The following SUFU variants were observed in gnomAD, a reference collection of about 807,000 sequenced individuals.
SUFU encodes the protein SUFU negative regulator of hedgehog signaling, also known as suppressor of fused homolog.
In SUFU, 7 loss-of-function variants were observed where a neutral mutation model predicts 58.9. The observed-to-expected ratio is 0.12, with a 90% CI of 0.07 to 0.22. The LOEUF (loss-of-function observed/expected upper bound fraction) is 0.22. Among genes scored for constraint, SUFU ranks in the 10% least tolerant of loss-of-function variants. The probability of loss-of-function intolerance (pLI) is 1.00; values close to 1 mark genes in which losing one functional copy is unlikely to be tolerated. For missense variants in SUFU, 451 were observed against 641.3 expected (o/e 0.70, Z 3.20); for synonymous variants, 232 against 254.8 (o/e 0.91, Z 0.85).
chr10:102,543,063 T>G (rs911495878), intron 2 of SUFU, among the ~76,000 whole-genome samples: 2 of 152,222 alleles, frequency 1.3e-5, no homozygotes, highest in African/African-American at 4.8e-5. Flanking sequence ...ATTTTGCAAT[T>G]ATAAGTTCTT....
At chr10:102,556,680 T>C (rs1263572419) in intron 3 of SUFU, among the ~76,000 whole-genome samples, 7 of 123,790 alleles carry the variant, frequency 5.7e-5, no homozygotes, top group African/African-American at 2.2e-4. Flanking sequence ...GAGGCGGAGA[T>C]TGCAGTGAGC....
rs182459665 is a variant in SUFU, at chr10:102,510,716, C to T, written c.317+1413C>T. 5.4e-3 allele frequency among the ~76,000 whole-genome samples: 824 copies of T among 152,168 alleles called. 5 individuals carry two copies. Among genetic ancestry groups the T allele is most frequent in the African/African-American group, 0.019 (786 of 41,540 alleles). ...CATGTGCCTGTACTCCCAACTACCC[C>T]GGAGGCTGAGGCACGAGAATCACTT... On this transcript the variant is annotated intron_variant, in intron 2 of 11. Coordinates refer to ENST00000369902, the MANE Select transcript of SUFU (RefSeq NM_016169.4).
chr10:102,527,408 G>T (rs1461060421), intron 2 of SUFU, among the ~76,000 whole-genome samples: 1 of 151,984 alleles, frequency 6.6e-6, no homozygotes, highest in East Asian at 1.9e-4. Flanking sequence ...CTCAGCTTTA[G>T]TATGAAGACA....
intron 2 of SUFU, among the ~76,000 whole-genome samples, chr10:102,516,195 G>A (rs565037498): frequency 7.4e-6 from 1 of 135,154 alleles, no homozygotes; most frequent in East Asian, 2.1e-4. Flanking sequence ...ACACGACCTC[G>A]ACTCTGCTGA....
chr10:102,624,035 A>G (rs1237444188), intron 10 of SUFU, among the ~76,000 whole-genome samples: 2 of 152,354 alleles, frequency 1.3e-5, no homozygotes, highest in East Asian at 1.9e-4. Flanking sequence ...CAGAACTGCC[A>G]TAAGGATTCA....
At chr10:102,620,034 G>A (rs1323164168) in intron 10 of SUFU, among the ~76,000 whole-genome samples, 1 of 152,212 alleles carries the variant, frequency 6.6e-6, no homozygotes, top group Non-Finnish European at 1.5e-5. Context: ...GGCCTTGTGT[G>A]CCCAGGCCTA....
rs755621668 is a variant in SUFU at position 102,617,264 on chromosome 10, C to T, written c.1158-26C>T. ...GGAACTGTTTCCAAGCCCAGCTCCT[C>T]ACTGTCTCCATGTTCCCATCTCCAG... On this transcript the variant is annotated intron_variant, in intron 9 of 11. Coordinates refer to ENST00000369902, the MANE Select transcript of SUFU (RefSeq NM_016169.4). The surrounding 1 kb of genome is among the most constrained non-coding windows in gnomAD (Gnocchi z 4.4). The T allele has an allele frequency of 1.9e-6, 3 of 1,614,062 alleles. No individual in the cohort carries two copies. Among genetic ancestry groups the T allele is most frequent in the Admixed American group, 1.7e-5 (1 of 60,010 alleles).
At chr10:102,580,811 T>C (rs2063269441) in intron 3 of SUFU, among the ~76,000 whole-genome samples, 1 of 152,176 alleles carries the variant, frequency 6.6e-6, no homozygotes, top group African/African-American at 2.4e-5. Context: ...CTACACCCTG[T>C]GGCCTAAAAC....
intron 3 of SUFU, among the ~76,000 whole-genome samples, chr10:102,581,787 C>T (rs1331562326): frequency 1.3e-5 from 2 of 152,196 alleles, no homozygotes; most frequent in African/African-American, 4.8e-5. Flanking sequence ...CTAGGACCAG[C>T]TCCGGGTGTT....
At chr10:102,621,078 G>A (rs1201026547) in intron 10 of SUFU, among the ~76,000 whole-genome samples, 1 of 152,200 alleles carries the variant, frequency 6.6e-6, no homozygotes, top group Non-Finnish European at 1.5e-5. Context: ...CTCCAGGCCA[G>A]GCTTGGGAAG....
intron 1 of SUFU, among the ~76,000 whole-genome samples, chr10:102,506,229 AT>A (rs1195393342): frequency 6.6e-6 from 1 of 151,166 alleles, no homozygotes; most frequent in Non-Finnish European, 1.5e-5. Flanking sequence ...ACTAAGGGCA[AT>A]TTTTTTTTCC....
chr10:102,583,263 C>T (rs1434541797), intron 3 of SUFU, among the ~76,000 whole-genome samples: 2 of 152,218 alleles, frequency 1.3e-5, no homozygotes, highest in African/African-American at 4.8e-5. Context: ...AGTCTAGTTC[C>T]TTCATCAGGC....
At chr10:102,578,256 A>AC (rs2063234955) in intron 3 of SUFU, among the ~76,000 whole-genome samples, 5 of 150,906 alleles carry the variant, frequency 3.3e-5, no homozygotes, top group Non-Finnish European at 5.9e-5. Context: ...CGTCTCAAAA[A>AC]AAAAAACAAA....
intron 2 of SUFU, among the ~76,000 whole-genome samples, chr10:102,509,977 G>A (rs191660624): frequency 2.0e-3 from 307 of 151,790 alleles, no homozygotes; most frequent in South Asian, 0.013. Flanking sequence ...TAGCTGGGAC[G>A]ACAGGCAAGC....
chr10:102,597,328 C>T (rs1350760976), intron 7 of SUFU, 35 bp downstream of exon 7: 1 of 1,601,954 alleles, frequency 6.2e-7, no homozygotes. Context: ...ACCAGCCTTC[C>T]TCCTTCCTTT....
chr10:102,537,824 T>C (rs1184028369), intron 2 of SUFU, among the ~76,000 whole-genome samples: 1 of 152,234 alleles, frequency 6.6e-6, no homozygotes, highest in Non-Finnish European at 1.5e-5. Context: ...GGGTTGCTTC[T>C]ACCTTTTGAC....
chr10:102,549,885 A>G, intron 2 of SUFU, 85 bp from the exon 3 acceptor site: 2 of 1,564,990 alleles, frequency 1.3e-6, no homozygotes, highest in Non-Finnish European at 1.8e-6. Context: ...AGGCCACCAT[A>G]AAAAGGGGGA....
chr10:102,588,571 C>T (rs539589595), intron 3 of SUFU, among the ~76,000 whole-genome samples: 100 of 152,208 alleles, frequency 6.6e-4, no homozygotes, highest in Non-Finnish European at 1.2e-3. Context: ...CAACTTTGCT[C>T]GTCTTCTTTA....
At chr10:102,549,102 G>C (rs2062882986) in intron 2 of SUFU, among the ~76,000 whole-genome samples, 1 of 152,140 alleles carries the variant, frequency 6.6e-6, no homozygotes, top group South Asian at 2.1e-4. Flanking sequence ...TGAGTCTGGA[G>C]GCCAGCCAGT....
Sources: allele counts gnomAD v4.1 joint callset (sites outside exome capture counted in the v4.1 genomes callset), GRCh38; gene constraint gnomAD v4.1.1; non-coding constraint Gnocchi (gnomAD v3.1); transcripts MANE v1.5; gene names NCBI Gene and HGNC (gene_info 2026-07-23, HGNC 2026-07-21).